The following MSMO1 variants were observed in gnomAD, a reference collection of about 807,000 sequenced individuals.
MSMO1 encodes the protein methylsterol monooxygenase 1.
MSMO1 carries 18 observed loss-of-function variants against 30.4 expected under a neutral mutation model. The ratio of observed to expected loss-of-function variants is 0.59; its 90% CI spans 0.41 to 0.88. MSMO1 has a LOEUF of 0.88. Ranked by LOEUF, MSMO1 falls within the 40% of genes least tolerant of loss-of-function variation. The probability of loss-of-function intolerance (pLI) is 0.00; values close to 1 mark genes in which losing one functional copy is unlikely to be tolerated. For missense variants in MSMO1, 284 were observed against 340.5 expected (o/e 0.83, Z 1.31); for synonymous variants, 84 against 107.9 (o/e 0.78, Z 1.37).
Position 165,337,940 on chromosome 4 carries a change from A to G in MSMO1, c.404+3A>G. 6.2e-7 allele frequency: 1 copy of G among 1,613,182 alleles called. No homozygotes were observed. The highest frequency in any genetic ancestry group is 8.5e-7 in the Non-Finnish European group (1 of 1,179,600). ...GATTGGGAAAGAATGCCAAGATGGT[A>G]CGTAGATAAAAATTTGGCTTTTACA... On this transcript the variant is annotated splice_donor_region_variant and intron_variant, in intron 3 of 5. Transcript: ENST00000261507.
chr4:165,339,191 A>T (rs145409252), intron 4 of MSMO1, among the ~76,000 whole-genome samples: 2,834 of 135,488 alleles, frequency 0.021, 90 homozygotes, highest in African/African-American at 0.074. Flanking sequence ...TGCAACCTTC[A>T]CCTCCTGGGT....
intron 2 of MSMO1, among the ~76,000 whole-genome samples, chr4:165,334,993 A>C (rs1747500981): frequency 6.6e-6 from 1 of 152,208 alleles, no homozygotes; most frequent in South Asian, 2.1e-4. Context: ...TCATTATTCA[A>C]AATGACAACT....
rs1210239488 is a variant in MSMO1 at position 165,343,126 on chromosome 4, A to G, written c.*1180A>G. 6.6e-6 allele frequency: 1 copy of G among 151,908 alleles called. No homozygotes were observed. Among genetic ancestry groups the G allele is most frequent in the Non-Finnish European group, 1.5e-5 (1 of 67,936 alleles). The allele number at this position is 151,908 out of a possible 1,614,324, so 9.4% of individuals were successfully genotyped here. Reference sequence around the variant, plus strand: ...GTCACCTTTTATTCTTAAACTTGAAAGTACAGAAATCATTAAATTATTAAG... The same window carrying G: ...GTCACCTTTTATTCTTAAACTTGAAGGTACAGAAATCATTAAATTATTAAG... On this transcript the variant is annotated 3_prime_UTR_variant, in exon 6 of 6. Coordinates refer to ENST00000261507, the MANE Select transcript of MSMO1 (RefSeq NM_006745.5).
intron 3 of MSMO1, 128 bp downstream of exon 3, chr4:165,338,065 G>C: frequency 2.4e-6 from 2 of 849,680 alleles, no homozygotes. Flanking sequence ...ATAAATAGTA[G>C]AAAAGTAAAC....
At chr4:165,338,077 A>T (rs895879814) in intron 3 of MSMO1, 140 bp downstream of exon 3, 1 of 758,026 alleles carries the variant, frequency 1.3e-6, no homozygotes, top group East Asian at 2.7e-5. Flanking sequence ...AAAGTAAACC[A>T]CAGTAAAATC....
In MSMO1 at chr4:165,340,220, G is replaced by C. The variant is rs774502457; in HGVS notation, c.532-1G>C. On this transcript the variant is annotated splice_acceptor_variant, in intron 4 of 5. Transcript: ENST00000261507. LOFTEE classifies it high-confidence loss of function. ...AAGAATTTCTTATCTGTTTGTCTTA[G>C]GCTCCATTTGGAATGGAAGCTGAAT... 1 of 1,613,402 alleles carries C rather than the reference G, an allele frequency of 6.2e-7. No individual in the cohort carries two copies. Among genetic ancestry groups the C allele is most frequent in the Non-Finnish European group, 8.5e-7 (1 of 1,179,780 alleles).
rs115735465 is a variant in MSMO1, at chr4:165,337,341, G to A, written c.256-448G>A. On this transcript the variant is annotated intron_variant, in intron 2 of 5. Coordinates refer to ENST00000261507, the MANE Select transcript of MSMO1 (RefSeq NM_006745.5). Reference sequence around the variant, plus strand: ...TCTGTCATTGGATTTGAACAAAAGTGCATTTATTTGTTGGAATGAATACCA... The same window carrying A: ...TCTGTCATTGGATTTGAACAAAAGTACATTTATTTGTTGGAATGAATACCA... Among the ~76,000 whole-genome samples, 1,441 of 152,290 alleles carry A rather than the reference G, an allele frequency of 9.5e-3. 16 individuals carry two copies. The highest frequency in any genetic ancestry group is 0.031 in the Middle Eastern group (9 of 294).
chr4:165,333,659 A>G, intron 2 of MSMO1, 34 bp downstream of exon 2: 2 of 1,530,730 alleles, frequency 1.3e-6, no homozygotes, highest in Non-Finnish European at 1.8e-6. Context: ...GAATATTATC[A>G]TTAATGTTGC....
At chr4:165,330,953 A>T (rs1325102504) in intron 1 of MSMO1, among the ~76,000 whole-genome samples, 1 of 152,224 alleles carries the variant, frequency 6.6e-6, no homozygotes, top group African/African-American at 2.4e-5. Flanking sequence ...TCAAAGAAAG[A>T]TAAATGGGAC....
rs761522257 is a variant in MSMO1, at chr4:165,337,942, G to A, written c.404+5G>A. On this transcript the variant is annotated splice_donor_5th_base_variant and intron_variant, in intron 3 of 5. Coordinates refer to ENST00000261507, the MANE Select transcript of MSMO1 (RefSeq NM_006745.5). ...TTGGGAAAGAATGCCAAGATGGTAC[G>A]TAGATAAAAATTTGGCTTTTACACC... The A allele has an allele frequency of 3.1e-5, 50 of 1,612,710 alleles. No individual in the cohort carries two copies. The highest frequency in any genetic ancestry group is 5.0e-5 in the Admixed American group (3 of 59,960).
Position 165,340,286 on chromosome 4 carries a change from T to C in MSMO1, c.597T>C (p.Phe199=). The C allele has an allele frequency of 6.2e-7, 1 of 1,614,074 alleles. No individual in the cohort carries two copies. Among genetic ancestry groups the C allele is most frequent in the Non-Finnish European group, 8.5e-7 (1 of 1,179,974 alleles). ...AGACTCTAATTCTTGGAACTGGATT[T>C]TTCATTGGAATCGTGCTTTTGTGTG... ...PLETLILGTG[F]FIGIVLLCDH... is the part of the protein sequence containing the mutation. Residue 199 remains phenylalanine (F), a synonymous_variant, in exon 5 of 6, where the codon TTT becomes TTC. Coordinates refer to ENST00000261507, the MANE Select transcript of MSMO1 (RefSeq NM_006745.5).
At position 165,338,220 on chromosome 4, in the gene MSMO1, ATTT is replaced by A. The variant is rs751731835; in HGVS notation, c.404+285_404+287del. On this transcript the variant is annotated intron_variant, in intron 3 of 5. Coordinates refer to ENST00000261507, the MANE Select transcript of MSMO1 (RefSeq NM_006745.5). ...GCTTATGTTGACAAAAATATATTAC[ATTT>A]TAATTTTAAAATGAATGAAATATAT... Among the ~76,000 whole-genome samples the A allele has an allele frequency of 9.2e-5, 14 of 151,718 alleles. 2 individuals carry two copies. The highest frequency in any genetic ancestry group is 3.9e-4 in the Admixed American group (6 of 15,246).
chr4:165,338,322 A>G (rs1747618041), intron 3 of MSMO1, among the ~76,000 whole-genome samples: 1 of 150,310 alleles, frequency 6.7e-6, no homozygotes, highest in Admixed American at 6.7e-5. Flanking sequence ...ATATATATAT[A>G]TATATATACA....
chr4:165,336,617 C>G (rs1487329785), intron 2 of MSMO1, among the ~76,000 whole-genome samples: 2 of 152,068 alleles, frequency 1.3e-5, no homozygotes. Context: ...TTATTTTGTC[C>G]CCAATTACAG....
chr4:165,332,476 G>A (rs150151756), intron 1 of MSMO1, among the ~76,000 whole-genome samples: 1 of 152,128 alleles, frequency 6.6e-6, no homozygotes, highest in East Asian at 1.9e-4. Flanking sequence ...CCATCTTAGC[G>A]GATCTGTCTT....
intron 2 of MSMO1, among the ~76,000 whole-genome samples, chr4:165,336,426 CTG>C (rs1022570648): frequency 6.6e-6 from 1 of 152,106 alleles, no homozygotes; most frequent in Non-Finnish European, 1.5e-5. Context: ...GTATTGCTAA[CTG>C]TCTTTGTAAC....
rs1171733863 is a variant in MSMO1 at position 165,329,625 on chromosome 4, A to ATTTTTTTTTTTTTTTTTT, written c.-32+1871_-32+1888dup. 1.0e-4 allele frequency among the ~76,000 whole-genome samples: 7 copies of ATTTTTTTTTTTTTTTTTT among 67,992 alleles called. 2 individuals are homozygous for ATTTTTTTTTTTTTTTTTT. Among genetic ancestry groups the ATTTTTTTTTTTTTTTTTT allele is most frequent in the African/African-American group, 4.6e-4 (7 of 15,136 alleles). The allele number at this position is 67,992 out of a possible 152,430, so 44.6% of individuals were successfully genotyped here. On this transcript the variant is annotated intron_variant, in intron 1 of 5. Coordinates refer to ENST00000261507, the MANE Select transcript of MSMO1 (RefSeq NM_006745.5). The stretch of plus-strand genomic sequence containing the variant: ...ATTTGGCAGCTGGAGATCCATAGCG[A>ATTTTTTTTTTTTTTTTTT]TTTTTTTTTTTTTTTTTTTTTTTTT...
At chr4:165,331,198 A>C (rs1333944436) in intron 1 of MSMO1, among the ~76,000 whole-genome samples, 1 of 151,190 alleles carries the variant, frequency 6.6e-6, no homozygotes, top group Non-Finnish European at 1.5e-5. Flanking sequence ...CCCAGCTACG[A>C]GGGGCTGAGG....
At chr4:165,339,135 G>A (rs377206997) in intron 4 of MSMO1, among the ~76,000 whole-genome samples, 2 of 65,202 alleles carry the variant, frequency 3.1e-5, no homozygotes, top group Non-Finnish European at 5.5e-5. Flanking sequence ...ATAGAGTTTT[G>A]CTCTTGTTGC....
Sources: gnomAD v4.1 joint callset for allele counts (sites outside exome capture counted in the v4.1 genomes callset) on GRCh38, gnomAD v4.1.1 for gene constraint, MANE v1.5 for transcripts, NCBI Gene and HGNC (gene_info 2026-07-23, HGNC 2026-07-21) for gene names.